STXBP2: variants seen among roughly 807,000 people sequenced by gnomAD.
STXBP2 encodes syntaxin binding protein 2.
A neutral mutation model predicts 72.2 loss-of-function variants in STXBP2; 47 were observed. The observed-to-expected ratio is 0.65, with a 90% CI of 0.51 to 0.83. STXBP2 has a LOEUF of 0.83. STXBP2 is among the 40% of genes least tolerant of loss of function. The pLI, the probability that STXBP2 is intolerant of heterozygous loss-of-function variation, is 0.00. For missense variants in STXBP2, 702 were observed against 807.6 expected, an observed-to-expected ratio of 0.87 and a Z score of 1.58; for synonymous variants, 367 against 338.7, an observed-to-expected ratio of 1.08 and a Z score of -0.92.
Position 7,647,167 on chromosome 19 carries a change from C to G in STXBP2, c.1458C>G (p.Ala486=), listed in dbSNP as rs140877133. The change falls in exon 17 of 19, where the codon GCC becomes GCG. Residue 486 remains alanine, a synonymous_variant. Transcript: ENST00000221283. ...TPVIKDVMED[A]VEDRLDRNLW... ...ACCTGCCTCTCGGCCGCCAGGACGC[C>G]GTGGAGGACCGGCTGGACAGGAACC... The G allele has an allele frequency of 6.2e-7, 1 of 1,611,712 alleles. No individual in the cohort carries two copies. The highest frequency in any genetic ancestry group is 1.3e-5 in the African/African-American group (1 of 74,924).
rs751549586 is a variant in STXBP2 at position 7,640,488 on chromosome 19, G to GTA, written c.247-242_247-241insAT. On this transcript the variant is annotated intron_variant, in intron 4 of 18. Transcript: ENST00000221283. ...CATCTCTGTGTGTGCATGTGTGTAT[G>GTA]TGTGTGTGCATCTGTGTGTGTGTGC... 2,168 of 683,720 alleles carry GTA rather than the reference G, an allele frequency of 3.2e-3. 33 individuals are homozygous for GTA. Among genetic ancestry groups the GTA allele is most frequent in the African/African-American group, 0.031 (1,747 of 56,112 alleles). 42.4% of individuals were successfully genotyped at this position (683,720 alleles called of 1,614,324 possible). A position where few individuals can be genotyped will look rare whatever the true frequency, so the allele number is the denominator to read the frequency against.
rs1172097779 is a variant in STXBP2, at chr19:7,638,864, G to T, written c.87+89G>T. 6 of 1,591,774 alleles carry T rather than the reference G, an allele frequency of 3.8e-6. No homozygotes were observed. The East Asian group carries it at 1.1e-4, about 30-fold the overall frequency. Reference sequence around the variant, plus strand: ...CCTGAATGTGGGACCCCCAAGAACTGCCTGTCCACATGGGTGGAGTTGGGT... The same window carrying T: ...CCTGAATGTGGGACCCCCAAGAACTTCCTGTCCACATGGGTGGAGTTGGGT... On this transcript the variant is annotated intron_variant, in intron 2 of 18. Coordinates refer to ENST00000221283, the MANE Select transcript of STXBP2 (RefSeq NM_006949.4).
At chr19:7,644,905 C>T in intron 14 of STXBP2, 153 bp downstream of exon 14, 1 of 1,478,588 alleles carries the variant, frequency 6.8e-7, no homozygotes, top group East Asian at 2.5e-5. Context: ...GGGAACCCTC[C>T]TCCATTGGCT....
At chr19:7,633,161 T>C, upstream of STXBP2, 1 of 332,986 alleles carries the variant, frequency 3.0e-6, no homozygotes, top group Non-Finnish European at 4.3e-6. Context: ...CAGGGAAACA[T>C]GGCCCAGGAG....
upstream of STXBP2, chr19:7,633,698 G>A: frequency 3.5e-6 from 2 of 565,436 alleles, no homozygotes; most frequent in Non-Finnish European, 6.3e-6. Flanking sequence ...CTTGGACCTC[G>A]CTGTGCCCAG....
intron 13 of STXBP2, 39 bp downstream of exon 13, chr19:7,643,284 GC>G: frequency 6.2e-7 from 1 of 1,600,634 alleles, no homozygotes; most frequent in East Asian, 2.2e-5. Context: ...TGATGGTCCT[GC>G]CAAGGCGGGG....
chr19:7,639,929 T>TATGTGTGTGC (rs11278818), intron 4 of STXBP2, 122 bp downstream of exon 4: 56 of 977,026 alleles, frequency 5.7e-5, no homozygotes, highest in Non-Finnish European at 2.8e-5. Flanking sequence ...TGTCCATGTG[T>TATGTGTGTGC]ATGTGTGTGC....
At chr19:7,630,783 G>T in the STXBP2 span, 1 of 1,537,258 alleles carries the variant, frequency 6.5e-7, no homozygotes, top group East Asian at 2.4e-5. Flanking sequence ...GGGCTCTGGA[G>T]GCCTTTGGCT....
Position 7,642,790 on chromosome 19 carries a change from C to T in STXBP2, c.927C>T (p.Thr309=), listed in dbSNP as rs778800271. 1.4e-5 allele frequency: 22 copies of T among 1,614,090 alleles called. No individual in the cohort carries two copies. In the South Asian group the frequency reaches 2.4e-4, roughly 18 times the overall value. ...GGAAGGTCACGGAGCTCCTGAGGAC[C>T]TTCTGTGAGAGCAAGAGGCTGACCA... The part of the protein sequence containing the change: ...VSKKVTELLR[T]FCESKRLTTD... The change falls in exon 11 of 19, where the codon ACC becomes ACT. Residue 309 remains threonine, a synonymous_variant. Transcript: ENST00000221283. The surrounding 1 kb of genome is among the most constrained non-coding windows in gnomAD (Gnocchi z 6.0).
rs767827616 is a variant in STXBP2, at chr19:7,642,560, C to G, written c.902+24C>G. The stretch of plus-strand genomic sequence containing the variant: ...AAGTGCGTGCACACGGGGACCGGAT[C>G]CCCCCCCCACCGCCCACTGTGGGCC... On this transcript the variant is annotated intron_variant, in intron 10 of 18. Transcript: ENST00000221283. The surrounding 1 kb of genome is among the most constrained non-coding windows in gnomAD (Gnocchi z 6.0). The G allele has an allele frequency of 2.6e-6, 4 of 1,523,220 alleles. No individual in the cohort carries two copies. Among genetic ancestry groups the G allele is most frequent in the Non-Finnish European group, 3.6e-6 (4 of 1,111,668 alleles). 94.4% of individuals were successfully genotyped at this position (1,523,220 alleles called of 1,614,324 possible).
intron 15 of STXBP2, chr19:7,645,997 G>T: frequency 3.6e-6 from 2 of 562,600 alleles, no homozygotes; most frequent in Non-Finnish European, 3.2e-6. Flanking sequence ...TTATCTCTTT[G>T]CCTATCTCTG....
Position 7,642,856 on chromosome 19 carries a change from G to A in STXBP2, c.960+33G>A, listed in dbSNP as rs755937942. 3.1e-6 allele frequency: 5 copies of A among 1,614,038 alleles called. No individual in the cohort carries two copies. In the South Asian group the frequency reaches 4.4e-5, roughly 14 times the overall value. The stretch of plus-strand genomic sequence containing the variant: ...CGGACCCAGGTCACCAAAGGCGCTG[G>A]TGGAAGGAAGCCCCCCTCCCCATGG... On this transcript the variant is annotated intron_variant, in intron 11 of 18. Transcript: ENST00000221283. This position sits in a 1 kb window ranked among gnomAD's most constrained non-coding sequence, Gnocchi z 6.0.
rs754517847 is a variant in STXBP2, at chr19:7,643,295, G to A, written c.1107+50G>A. ...GGGGTGATGGTCCTGCCAAGGCGGG[G>A]TATTGGGGAGGGGCTGAACTGTAGA... is the stretch of plus-strand genomic sequence containing the variant. On this transcript the variant is annotated intron_variant, in intron 13 of 18. Transcript: ENST00000221283. 4.3e-6 allele frequency: 6 copies of A among 1,389,290 alleles called. No homozygotes were observed. The East Asian group carries it at 1.2e-4, about 27-fold the overall frequency. 86.1% of individuals were successfully genotyped at this position (1,389,290 alleles called of 1,614,324 possible).
chr19:7,645,929 T>A lies in STXBP2; in HGVS notation c.1357-320T>A. On this transcript the variant is annotated intron_variant, in intron 15 of 18. Coordinates refer to ENST00000221283, the MANE Select transcript of STXBP2 (RefSeq NM_006949.4). The stretch of plus-strand genomic sequence containing the variant: ...CCTTCTGTCCCCATCTTCCTCTCTC[T>A]GTTTCCTGCTTCATCTCTTGTCTCT... 5 of 472,242 alleles carry A rather than the reference T, an allele frequency of 1.1e-5. No individual in the cohort carries two copies. The East Asian group carries it at 1.9e-4, about 18-fold the overall frequency. 29.3% of individuals were successfully genotyped at this position (472,242 alleles called of 1,614,324 possible). A position where few individuals can be genotyped will look rare whatever the true frequency, so the allele number is the denominator to read the frequency against.
chr19:7,635,953 T>C (rs1432311124), upstream of STXBP2, among the ~76,000 whole-genome samples: 1 of 152,082 alleles, frequency 6.6e-6, no homozygotes, highest in Non-Finnish European at 1.5e-5. Flanking sequence ...GCTCCTCCCT[T>C]CTCTACCTGG....
chr19:7,639,876 G>T (rs1420991265), intron 4 of STXBP2, 69 bp downstream of exon 4: 1 of 1,489,724 alleles, frequency 6.7e-7, no homozygotes, highest in East Asian at 2.3e-5. Context: ...GTGTATGTCT[G>T]CATGCATGTG....
At chr19:7,640,615 G>A (rs759915080) in intron 4 of STXBP2, 116 bp from the exon 5 acceptor site, 4 of 1,344,056 alleles carry the variant, frequency 3.0e-6, no homozygotes, top group Non-Finnish European at 4.2e-6. Flanking sequence ...ACATATACAT[G>A]TCCCCGTCCG....
Position 7,642,690 on chromosome 19 carries a change from T to TC in STXBP2, c.903-70dup. ...TCCAATTTCACCCCACCTCTCCCTG[T>TC]CCCCCCTGAGTGGGCTCACCCATGG... On this transcript the variant is annotated intron_variant, in intron 10 of 18. Transcript: ENST00000221283. The surrounding 1 kb of genome is among the most constrained non-coding windows in gnomAD (Gnocchi z 6.0). 3 of 1,505,638 alleles carry TC rather than the reference T, an allele frequency of 2.0e-6. No homozygotes were observed. Among genetic ancestry groups the TC allele is most frequent in the South Asian group, 2.3e-5 (2 of 87,988 alleles). 93.3% of individuals were successfully genotyped at this position (1,505,638 alleles called of 1,614,324 possible).
At chr19:7,647,538 G>A (rs1240807368) in intron 18 of STXBP2, 27 bp downstream of exon 18, 3 of 1,577,598 alleles carry the variant, frequency 1.9e-6, no homozygotes, top group South Asian at 1.1e-5. Flanking sequence ...GGGACCCTGG[G>A]GTCTGGGGCT....
Sources: gnomAD v4.1 joint callset for allele counts (sites outside exome capture counted in the v4.1 genomes callset) on GRCh38, gnomAD v4.1.1 for gene constraint, Gnocchi (gnomAD v3.1) non-coding constraint, MANE v1.5 for transcripts, NCBI Gene and HGNC (gene_info 2026-07-23, HGNC 2026-07-21) for gene names.